The following MAGI2 variants were observed in gnomAD, a reference collection of about 807,000 sequenced individuals.
The protein encoded by MAGI2 is membrane-associated guanylate kinase, WW and PDZ domain-containing protein 2.
Under a neutral mutation model 133.3 loss-of-function variants are expected in MAGI2, and 35 were observed. The observed-to-expected ratio is 0.26, with a 90% CI of 0.20 to 0.35. The LOEUF (loss-of-function observed/expected upper bound fraction) is 0.35, where lower values mean the gene tolerates loss of function less well. MAGI2 is among the 10% of genes least tolerant of loss of function. The pLI is 1.00. For missense variants in MAGI2, 1,636 were observed against 1,863.4 expected (o/e 0.88, Z 2.25); for synonymous variants, 729 against 710.6 (o/e 1.03, Z -0.41).
intron 3 of MAGI2, among the ~76,000 whole-genome samples, chr7:78,590,647 G>A (rs140114616): frequency 1.3e-5 from 2 of 152,114 alleles, no homozygotes; most frequent in Non-Finnish European, 2.9e-5. Flanking sequence ...TGCTAGTCAC[G>A]TGGGTTGTCA....
chr7:78,573,227 A>AATATAAATATAT (rs1563188157), intron 3 of MAGI2, among the ~76,000 whole-genome samples: 1 of 58,970 alleles, frequency 1.7e-5, no homozygotes, highest in African/African-American at 8.6e-5. Flanking sequence ...AATATATATA[A>AATATAAATATAT]ATATAAATAT....
At chr7:78,984,267 C>T (rs560188211) in intron 2 of MAGI2, among the ~76,000 whole-genome samples, 4 of 152,054 alleles carry the variant, frequency 2.6e-5, no homozygotes, top group South Asian at 2.1e-4. Flanking sequence ...GCTTCCATTC[C>T]GACTCCTGTT....
chr7:78,908,850 A>G (rs1454456918), intron 2 of MAGI2, among the ~76,000 whole-genome samples: 1 of 152,152 alleles, frequency 6.6e-6, no homozygotes, highest in Non-Finnish European at 1.5e-5. Context: ...TAGAAAATAG[A>G]AAGAAAAAAA....
At chr7:78,583,413 G>A (rs543443652) in intron 3 of MAGI2, 65 of 200,804 alleles carry the variant, frequency 3.2e-4, no homozygotes, top group Middle Eastern at 1.9e-3. Context: ...AAGGTGAATC[G>A]CGTGAACCTG....
intron 21 of MAGI2, among the ~76,000 whole-genome samples, chr7:78,028,818 C>G (rs1809238887): frequency 7.3e-6 from 1 of 136,746 alleles, no homozygotes. Context: ...CACTGCACTC[C>G]AGCCTGGGCA....
At chr7:78,673,097 C>T (rs558673227) in intron 2 of MAGI2, among the ~76,000 whole-genome samples, 18 of 152,226 alleles carry the variant, frequency 1.2e-4, no homozygotes, top group African/African-American at 1.9e-4. Flanking sequence ...TGATCACCAT[C>T]GATTACATAG....
intron 2 of MAGI2, among the ~76,000 whole-genome samples, chr7:78,911,188 A>G (rs1355740666): frequency 6.6e-6 from 1 of 152,228 alleles, no homozygotes; most frequent in Non-Finnish European, 1.5e-5. Context: ...GATACAGTGG[A>G]ATAAGCCCTA....
intron 4 of MAGI2, among the ~76,000 whole-genome samples, chr7:78,505,478 T>C (rs1795003001): frequency 6.6e-6 from 1 of 152,184 alleles, no homozygotes; most frequent in Non-Finnish European, 1.5e-5. Context: ...TCAGAGTCTC[T>C]TTTCTGTGGC....
At chr7:78,876,653 G>C (rs1795449121) in intron 2 of MAGI2, among the ~76,000 whole-genome samples, 1 of 152,120 alleles carries the variant, frequency 6.6e-6, no homozygotes, top group Non-Finnish European at 1.5e-5. Flanking sequence ...ATGTACATGG[G>C]AACAATGATA....
intron 1 of MAGI2, among the ~76,000 whole-genome samples, chr7:79,234,912 T>C (rs200838329): frequency 1.4e-4 from 21 of 152,076 alleles, no homozygotes; most frequent in Middle Eastern, 3.4e-3. Context: ...GTTTTTTCCC[T>C]ATCTTTGTGG....
intron 1 of MAGI2, among the ~76,000 whole-genome samples, chr7:79,264,859 C>CAGAG (rs150944484): frequency 1.6e-4 from 23 of 145,960 alleles, no homozygotes; most frequent in East Asian, 8.1e-4. Flanking sequence ...GAGAGAGACA[C>CAGAG]AGAGAGAGAG....
intron 2 of MAGI2, among the ~76,000 whole-genome samples, chr7:78,655,706 G>A (rs1190985708): frequency 6.6e-6 from 1 of 152,108 alleles, no homozygotes; most frequent in Non-Finnish European, 1.5e-5. Flanking sequence ...GTTTGGCCGG[G>A]CGCAGTGGCT....
At chr7:78,945,386 T>C (rs1801336393) in intron 2 of MAGI2, among the ~76,000 whole-genome samples, 1 of 152,198 alleles carries the variant, frequency 6.6e-6, no homozygotes, top group Non-Finnish European at 1.5e-5. Flanking sequence ...TAGATAACAT[T>C]GTATGTTTTT....
chr7:78,527,075 A>G (rs1797040492), intron 3 of MAGI2, among the ~76,000 whole-genome samples: 1 of 151,554 alleles, frequency 6.6e-6, no homozygotes, highest in South Asian at 2.1e-4. Flanking sequence ...AAAAATGTGA[A>G]TAAAAAGAAT....
At chr7:78,539,640 A>T (rs139349533) in intron 3 of MAGI2, among the ~76,000 whole-genome samples, 2 of 152,254 alleles carry the variant, frequency 1.3e-5, no homozygotes, top group African/African-American at 4.8e-5. Flanking sequence ...TCTTGAATCA[A>T]TGTTGACCAG....
chr7:78,542,708 A>ACATG (rs1422465023), intron 3 of MAGI2, among the ~76,000 whole-genome samples: 1 of 152,228 alleles, frequency 6.6e-6, no homozygotes, highest in East Asian at 1.9e-4. Flanking sequence ...CTGAAGCATA[A>ACATG]CATGTAAGGG....
At position 78,232,522 on chromosome 7, in the gene MAGI2, G is replaced by A. The variant is rs141762407; in HGVS notation, c.2047+23421C>T. On this transcript the variant is annotated intron_variant, in intron 10 of 21. Coordinates refer to ENST00000354212, the MANE Select transcript of MAGI2 (RefSeq NM_012301.4). Reference sequence around the variant, plus strand: ...CGGAGATTCGGTGATCATTTGGTGTGTGCGGGTAAGGTGAAATTACTTGAT... The same window carrying A: ...CGGAGATTCGGTGATCATTTGGTGTATGCGGGTAAGGTGAAATTACTTGAT... 2.8e-3 allele frequency among the ~76,000 whole-genome samples: 420 copies of A among 152,300 alleles called. 1 individual carries two copies. Among genetic ancestry groups the A allele is most frequent in the Non-Finnish European group, 5.0e-3 (340 of 68,020 alleles).
At chr7:79,207,016 T>G (rs1829114650) in intron 1 of MAGI2, among the ~76,000 whole-genome samples, 1 of 151,946 alleles carries the variant, frequency 6.6e-6, no homozygotes, top group African/African-American at 2.4e-5. Context: ...TTAACAACCT[T>G]TGACAATGAA....
intron 2 of MAGI2, among the ~76,000 whole-genome samples, chr7:78,941,140 C>T (rs1800932600): frequency 6.6e-6 from 1 of 152,084 alleles, no homozygotes; most frequent in Admixed American, 6.5e-5. Flanking sequence ...TGGAACTGTC[C>T]TCACTGCTCC....
Sources: allele counts gnomAD v4.1 joint callset (sites outside exome capture counted in the v4.1 genomes callset), GRCh38; gene constraint gnomAD v4.1.1; transcripts MANE v1.5; gene names NCBI Gene and HGNC (gene_info 2026-07-23, HGNC 2026-07-21).